The following GALNT13 variants were observed in gnomAD, a reference collection of about 807,000 sequenced individuals.
The protein encoded by GALNT13 is UDP-GalNAc:polypeptide N-acetylgalactosaminyltransferase 13.
In GALNT13, 28 loss-of-function variants were observed where a neutral mutation model predicts 64.2. The ratio of observed to expected loss-of-function variants is 0.44; its 90% CI spans 0.32 to 0.60. The LOEUF is 0.60. GALNT13 is among the 20% of genes least tolerant of loss of function. The pLI is 0.05. For synonymous variants in GALNT13, 214 were observed against 224.6 expected, an observed-to-expected ratio of 0.95 and a Z score of 0.42; for missense variants, 577 against 669.8, an observed-to-expected ratio of 0.86 and a Z score of 1.53.
At chr2:154,063,751 C>G (rs1449807500) in intron 3 of GALNT13, among the ~76,000 whole-genome samples, 1 of 152,114 alleles carries the variant, frequency 6.6e-6, no homozygotes, top group Non-Finnish European at 1.5e-5. Flanking sequence ...AATGAGAGGT[C>G]TAGTTTCAAA....
the GALNT13 span, among the ~76,000 whole-genome samples, chr2:153,323,540 T>C: frequency 1.3e-5 from 2 of 152,170 alleles, no homozygotes; most frequent in African/African-American, 4.8e-5. Context: ...TTGCTTTTGG[T>C]GTTTTAGTCA....
chr2:153,386,146 T>C, the GALNT13 span, among the ~76,000 whole-genome samples: 6 of 152,198 alleles, frequency 3.9e-5, no homozygotes, highest in African/African-American at 1.4e-4. Flanking sequence ...GAGATTTGAA[T>C]AACTACTGCT....
chr2:154,318,742 C>T lies in GALNT13; in HGVS notation c.1156+17153C>T, dbSNP rs535338846. 1.4e-4 allele frequency among the ~76,000 whole-genome samples: 20 copies of T among 141,670 alleles called. No individual in the cohort carries two copies. In the South Asian group the frequency reaches 1.9e-3, roughly 13 times the overall value. 92.9% of individuals were successfully genotyped at this position (141,670 alleles called of 152,430 possible). A position where few individuals can be genotyped will look rare whatever the true frequency, so the allele number is the denominator to read the frequency against. ...TCCATTTCAAAAAAAAAAAAAAAAT[C>T]GTTAGATTAAAATATGATCTGAAAA... On this transcript the variant is annotated intron_variant, in intron 9 of 12. Transcript: ENST00000392825.
the GALNT13 span, among the ~76,000 whole-genome samples, chr2:153,263,672 G>T: frequency 2.0e-5 from 3 of 151,982 alleles, no homozygotes; most frequent in African/African-American, 7.2e-5. Context: ...TCTTTGATGA[G>T]CCTGACAAAA....
At chr2:153,206,646 A>G in the GALNT13 span, among the ~76,000 whole-genome samples, 1 of 152,080 alleles carries the variant, frequency 6.6e-6, no homozygotes, top group Non-Finnish European at 1.5e-5. Context: ...ATAAGATTAG[A>G]AAGGACAAGG....
At chr2:154,335,057 A>G (rs1011016364) in intron 9 of GALNT13, among the ~76,000 whole-genome samples, 1 of 151,988 alleles carries the variant, frequency 6.6e-6, no homozygotes, top group African/African-American at 2.4e-5. Context: ...CAGAAAAACT[A>G]TTATGAGCTC....
intron 3 of GALNT13, among the ~76,000 whole-genome samples, chr2:153,946,658 ATTCATGAAGGTTCCACC>A (rs950021936): frequency 6.6e-6 from 1 of 151,618 alleles, no homozygotes; most frequent in African/African-American, 2.4e-5. Flanking sequence ...CACTAATTGC[ATTCATGAAGGTTCCACC>A]TTCATGACTT....
the GALNT13 span, among the ~76,000 whole-genome samples, chr2:153,088,559 A>G: frequency 6.6e-6 from 1 of 152,168 alleles, no homozygotes; most frequent in Non-Finnish European, 1.5e-5. Context: ...TCAATGGAGT[A>G]TTAAAGCTCC....
At chr2:154,317,619 CTAA>C (rs1364725987) in intron 9 of GALNT13, among the ~76,000 whole-genome samples, 2 of 152,046 alleles carry the variant, frequency 1.3e-5, no homozygotes, top group Non-Finnish European at 2.9e-5. Flanking sequence ...CGAGAATCTT[CTAA>C]TAAAAAGCTT....
At chr2:154,167,085 C>G (rs563419803) in intron 4 of GALNT13, among the ~76,000 whole-genome samples, 1 of 151,728 alleles carries the variant, frequency 6.6e-6, no homozygotes, top group Non-Finnish European at 1.5e-5. Context: ...ATGTAACAAA[C>G]CTGCAAGTTG....
intron 3 of GALNT13, among the ~76,000 whole-genome samples, chr2:154,036,423 TAA>T (rs1698663453): frequency 6.6e-6 from 1 of 152,104 alleles, no homozygotes. Context: ...TCTGAGAGGA[TAA>T]GTGTTTCACC....
chr2:154,125,982 G>A (rs1682237300), intron 3 of GALNT13, among the ~76,000 whole-genome samples: 1 of 152,126 alleles, frequency 6.6e-6, no homozygotes, highest in Non-Finnish European at 1.5e-5. Flanking sequence ...ATCCATGACT[G>A]TTTTTCAGTG....
intron 4 of GALNT13, among the ~76,000 whole-genome samples, chr2:154,148,930 A>T (rs931844206): frequency 2.0e-5 from 3 of 152,138 alleles, no homozygotes; most frequent in African/African-American, 7.2e-5. Flanking sequence ...TCTTGAGTTT[A>T]ATTAGATACC....
intron 2 of GALNT13, among the ~76,000 whole-genome samples, chr2:153,908,982 G>A (rs145029640): frequency 6.6e-6 from 1 of 151,978 alleles, no homozygotes; most frequent in Admixed American, 6.6e-5. Context: ...ATTGCTTTGG[G>A]CAGTATGGCC....
the GALNT13 span, among the ~76,000 whole-genome samples, chr2:153,596,969 C>A: frequency 6.6e-6 from 1 of 151,960 alleles, no homozygotes; most frequent in South Asian, 2.1e-4. Flanking sequence ...ATATGGAAAA[C>A]ACCCATAAAC....
chr2:154,328,054 TTGATA>T (rs1694971040), intron 9 of GALNT13, among the ~76,000 whole-genome samples: 1 of 152,128 alleles, frequency 6.6e-6, no homozygotes, highest in African/African-American at 2.4e-5. Flanking sequence ...TATAAAAACA[TTGATA>T]TGATAAAATG....
chr2:153,822,031 A>G, the GALNT13 span, among the ~76,000 whole-genome samples: 1 of 152,212 alleles, frequency 6.6e-6, no homozygotes, highest in African/African-American at 2.4e-5. Context: ...AGACCGAATC[A>G]GGAGGAAACT....
chr2:153,259,164 TATC>T, the GALNT13 span, among the ~76,000 whole-genome samples: 1 of 152,170 alleles, frequency 6.6e-6, no homozygotes, highest in Non-Finnish European at 1.5e-5. Context: ...TTGACCCCCT[TATC>T]ATTGTATAAT....
chr2:153,995,722 T>G (rs1695479915), intron 3 of GALNT13, among the ~76,000 whole-genome samples: 1 of 152,124 alleles, frequency 6.6e-6, no homozygotes, highest in South Asian at 2.1e-4. Flanking sequence ...TGCAATACAT[T>G]GCTATTAGCT....
Sources: allele counts gnomAD v4.1 joint callset (sites outside exome capture counted in the v4.1 genomes callset), GRCh38; gene constraint gnomAD v4.1.1; transcripts MANE v1.5; gene names NCBI Gene and HGNC (gene_info 2026-07-23, HGNC 2026-07-21).